The following NUP210L variants were observed in gnomAD, a reference collection of about 807,000 sequenced individuals.
The protein encoded by NUP210L is nucleoporin 210 like.
Under a neutral mutation model 208.5 loss-of-function variants are expected in NUP210L, and 74 were observed. The observed-to-expected ratio is 0.35, with a 90% confidence interval of 0.29 to 0.43. The LOEUF is 0.43. Among genes scored for constraint, NUP210L ranks in the 20% least tolerant of loss-of-function variants. NUP210L has a pLI of 1.00. For missense variants in NUP210L, 1,843 were observed against 2,289.4 expected (o/e 0.81, Z 3.98); for synonymous variants, 780 against 816.9 (o/e 0.95, Z 0.77).
intron 14 of NUP210L, among the ~76,000 whole-genome samples, chr1:154,096,497 A>T (rs1191588645): frequency 6.6e-6 from 1 of 152,210 alleles, no homozygotes; most frequent in Admixed American, 6.5e-5. Context: ...GCGGTAGCTC[A>T]TGCCTGTAAT....
chr1:154,011,439 G>C (rs1650913259), intron 34 of NUP210L, among the ~76,000 whole-genome samples: 1 of 151,580 alleles, frequency 6.6e-6, no homozygotes, highest in African/African-American at 2.4e-5. Flanking sequence ...AGCCAGGCTG[G>C]TCTCGAACTC....
intron 27 of NUP210L, among the ~76,000 whole-genome samples, chr1:154,037,424 C>T (rs1367279596): frequency 6.6e-6 from 1 of 152,128 alleles, no homozygotes; most frequent in African/African-American, 2.4e-5. Flanking sequence ...ACCCCTTTAT[C>T]ATTATATAAT....
chr1:154,045,858 G>T (rs1653146058), intron 27 of NUP210L, among the ~76,000 whole-genome samples: 1 of 152,108 alleles, frequency 6.6e-6, no homozygotes, highest in African/African-American at 2.4e-5. Context: ...GATGGCATGT[G>T]CCTGTGGTCC....
At chr1:154,070,831 C>T (rs771526882) in intron 16 of NUP210L, among the ~76,000 whole-genome samples, 37 of 152,128 alleles carry the variant, frequency 2.4e-4, no homozygotes, top group Non-Finnish European at 4.3e-4. Context: ...GGATATCACA[C>T]ACAATAATAT....
intron 14 of NUP210L, 103 bp downstream of exon 14, chr1:154,099,895 T>C: frequency 8.7e-7 from 1 of 1,153,572 alleles, no homozygotes; most frequent in Non-Finnish European, 1.3e-6. Context: ...AACATAAATG[T>C]CATTGATCCT....
chr1:154,020,386 T>G (rs1651485135), intron 32 of NUP210L, among the ~76,000 whole-genome samples: 1 of 152,196 alleles, frequency 6.6e-6, no homozygotes, highest in South Asian at 2.1e-4. Context: ...AGACACAGCC[T>G]GTCATCCAGG....
At chr1:154,057,690 ATGTGTGTGTGTGTGTGTGTGTG>A (rs4060104) in intron 22 of NUP210L, among the ~76,000 whole-genome samples, 5 of 125,422 alleles carry the variant, frequency 4.0e-5, no homozygotes, top group Non-Finnish European at 8.3e-5. Context: ...AGGACCTCGA[ATGTGTGTGTGTGTGTGTGTGTG>A]TGTGTGTGTG....
At chr1:154,051,739 G>A (rs1411686792) in intron 25 of NUP210L, among the ~76,000 whole-genome samples, 1 of 152,218 alleles carries the variant, frequency 6.6e-6, no homozygotes, top group Non-Finnish European at 1.5e-5. Flanking sequence ...TTATGTACAT[G>A]TATGTGTGGA....
chr1:154,027,080 C>CAAAAAAAAAAAAAAAAAAAAAAA (rs59626984), intron 29 of NUP210L, among the ~76,000 whole-genome samples: 1 of 101,742 alleles, frequency 9.8e-6, no homozygotes, highest in Admixed American at 1.1e-4. Context: ...GAGACTGTCT[C>CAAAAAAAAAAAAAAAAAAAAAAA]AAAAAAAAAA....
intron 12 of NUP210L, among the ~76,000 whole-genome samples, chr1:154,112,731 C>T (rs887096126): frequency 2.0e-5 from 3 of 151,888 alleles, no homozygotes; most frequent in Non-Finnish European, 2.9e-5. Context: ...TGGTATACAT[C>T]TGTAGTCCCA....
At chr1:154,036,921 C>G (rs1652589215) in intron 27 of NUP210L, among the ~76,000 whole-genome samples, 1 of 152,038 alleles carries the variant, frequency 6.6e-6, no homozygotes. Context: ...TGCCACCACA[C>G]CCAGCTAATT....
At chr1:154,000,549 A>T (rs1650151818) in intron 37 of NUP210L, among the ~76,000 whole-genome samples, 1 of 152,184 alleles carries the variant, frequency 6.6e-6, no homozygotes. Context: ...CCTTGATACC[A>T]GTTGATTTGA....
At chr1:154,108,387 A>G (rs1185443026) in intron 12 of NUP210L, among the ~76,000 whole-genome samples, 3 of 152,066 alleles carry the variant, frequency 2.0e-5, no homozygotes, top group Non-Finnish European at 4.4e-5. Context: ...CGAACTCCTG[A>G]TCTTAGGTGA....
chr1:154,139,693 A>AC lies in NUP210L; in HGVS notation c.717+108_717+109insG, dbSNP rs2148140499. The AC allele has an allele frequency of 3.7e-6, 3 of 821,004 alleles. No homozygotes were observed. The South Asian group carries it at 5.7e-5, about 16-fold the overall frequency. The allele number at this position is 821,004 out of a possible 1,614,324, so 50.9% of individuals were successfully genotyped here. The stretch of plus-strand genomic sequence containing the variant: ...ACAAAAACAAACAAACAAACAAAAA[A>AC]AAAAAAAAAACAGGGCGGGTAGTGC... On this transcript the variant is annotated intron_variant, in intron 5 of 39. Transcript: ENST00000368559.
At position 154,058,215 on chromosome 1, in the gene NUP210L, ACCT is replaced by A. The variant is rs1557946680; in HGVS notation, c.2980-2_2980del. On this transcript the variant is annotated splice_acceptor_variant and coding_sequence_variant, in exon 22 of 40. Transcript: ENST00000368559. LOFTEE classifies it high-confidence loss of function. The stretch of plus-strand genomic sequence containing the variant: ...CACTAACACAGTTTTGTCTATTTCA[ACCT>A]AGTAGTTAAAAAGAAAAAGATTTTA... 2.3e-5 allele frequency: 37 copies of A among 1,613,598 alleles called. No homozygotes were observed. The highest frequency in any genetic ancestry group is 3.1e-5 in the Non-Finnish European group (36 of 1,179,874).
At position 154,054,711 on chromosome 1, in the gene NUP210L, A is replaced by T. The variant is rs188715948; in HGVS notation, c.3303+59T>A. On this transcript the variant is annotated intron_variant, in intron 24 of 39. Coordinates refer to ENST00000368559, the Ensembl canonical transcript of NUP210L. ...ATAGGAAGAGAGGTGTGTGTGTGTG[A>T]GAGAGAGAGAGAGGTAAGGAGAAAA... 1,569 of 632,662 alleles carry T rather than the reference A, an allele frequency of 2.5e-3. 2 individuals are homozygous for T. Among genetic ancestry groups the T allele is most frequent in the South Asian group, 6.0e-3 (227 of 37,920 alleles). 39.2% of individuals were successfully genotyped at this position (632,662 alleles called of 1,614,324 possible). A position where few individuals can be genotyped will look rare whatever the true frequency, so the allele number is the denominator to read the frequency against.
chr1:154,046,510 A>G (rs1653190037), intron 25 of NUP210L, 141 bp from the exon 26 acceptor site: 2 of 689,280 alleles, frequency 2.9e-6, no homozygotes, highest in East Asian at 2.7e-5. Flanking sequence ...CACTATTCAC[A>G]ATAGCCAATA....
At chr1:154,010,181 A>G in intron 34 of NUP210L, 60 bp from the exon 35 acceptor site, 1 of 1,528,904 alleles carries the variant, frequency 6.5e-7, no homozygotes, top group Non-Finnish European at 8.9e-7. Flanking sequence ...AAAAAGAGAG[A>G]CCATTATATG....
At chr1:154,124,018 AC>A (rs1657753964) in intron 10 of NUP210L, among the ~76,000 whole-genome samples, 1 of 151,822 alleles carries the variant, frequency 6.6e-6, no homozygotes, top group South Asian at 2.1e-4. Context: ...CCCCATCTCT[AC>A]TAAAAAAAAT....
Sources: allele counts gnomAD v4.1 joint callset (sites outside exome capture counted in the v4.1 genomes callset), GRCh38; gene constraint gnomAD v4.1.1; transcripts MANE v1.5; gene names NCBI Gene and HGNC (gene_info 2026-07-23, HGNC 2026-07-21).